Variants in TRIM67 observed in about 807,000 individuals in gnomAD.
TRIM67 encodes tripartite motif-containing protein 67.
A neutral mutation model predicts 71.0 loss-of-function variants in TRIM67; 39 were observed. The ratio of observed to expected loss-of-function variants is 0.55; its 90% CI spans 0.43 to 0.72. TRIM67 has a LOEUF of 0.72. Ranked by LOEUF, TRIM67 falls within the 30% of genes least tolerant of loss-of-function variation. TRIM67 has a pLI of 0.00. For missense variants in TRIM67, 973 were observed against 1,079.2 expected (o/e 0.90, Z 1.38); for synonymous variants, 481 against 473.9 (o/e 1.01, Z -0.19).
intron 6 of TRIM67, among the ~76,000 whole-genome samples, chr1:231,206,274 TATATATATATATATAAA>T (rs1683693101): frequency 1.3e-5 from 2 of 150,970 alleles, no homozygotes; most frequent in African/African-American, 4.9e-5. Context: ...TACTAAAATA[TATATATATATATATAAA>T]TTAGCTGGGC....
At chr1:231,211,663 C>T (rs1053433203) in intron 8 of TRIM67, among the ~76,000 whole-genome samples, 7 of 152,226 alleles carry the variant, frequency 4.6e-5, no homozygotes, top group Non-Finnish European at 1.0e-4. Flanking sequence ...GTCGTGAATC[C>T]TCGCTGCTCA....
In TRIM67 at chr1:231,216,400, C is replaced by T. The variant is rs1004936429; in HGVS notation, c.*960C>T. On this transcript the variant is annotated 3_prime_UTR_variant, in exon 10 of 10. Coordinates refer to ENST00000366653, the MANE Select transcript of TRIM67 (RefSeq NM_001004342.5). ...TTTTAACAACTATGTCATAGGTCTT[C>T]GCCTGGTGATGGCTCCTTTCTGAAA... 6 of 985,374 alleles carry T rather than the reference C, an allele frequency of 6.1e-6. No individual in the cohort carries two copies. Among genetic ancestry groups the T allele is most frequent in the East Asian group, 1.1e-4 (1 of 8,832 alleles). 61.0% of individuals were successfully genotyped at this position (985,374 alleles called of 1,614,324 possible). A position where few individuals can be genotyped will look rare whatever the true frequency, so the allele number is the denominator to read the frequency against.
intron 1 of TRIM67, among the ~76,000 whole-genome samples, chr1:231,189,125 A>T (rs1198294761): frequency 6.6e-6 from 1 of 152,140 alleles, no homozygotes; most frequent in Non-Finnish European, 1.5e-5. Context: ...CCGGGCTCTG[A>T]GCTGGGGATG....
chr1:231,165,396 G>A (rs1682426370), intron 1 of TRIM67, among the ~76,000 whole-genome samples: 1 of 152,216 alleles, frequency 6.6e-6, no homozygotes, highest in Non-Finnish European at 1.5e-5. Context: ...TAAGGATTAA[G>A]TATAATACTG....
chr1:231,186,883 T>C (rs922047468), intron 1 of TRIM67, among the ~76,000 whole-genome samples: 9 of 152,044 alleles, frequency 5.9e-5, no homozygotes, highest in Admixed American at 2.6e-4. Context: ...AATGAAAGCT[T>C]GGATGATGGG....
chr1:231,204,117 T>A, intron 6 of TRIM67, 105 bp downstream of exon 6: 1 of 1,503,884 alleles, frequency 6.6e-7, no homozygotes, highest in South Asian at 1.3e-5. Context: ...GACATTGTGT[T>A]GCCATCCTGA....
chr1:231,177,279 C>T (rs374584461), intron 1 of TRIM67, among the ~76,000 whole-genome samples: 10 of 152,146 alleles, frequency 6.6e-5, no homozygotes, highest in African/African-American at 1.4e-4. Flanking sequence ...CATAATTTGA[C>T]GACAGAGAGA....
intron 1 of TRIM67, among the ~76,000 whole-genome samples, chr1:231,189,420 C>T (rs538820016): frequency 2.0e-5 from 3 of 152,212 alleles, no homozygotes; most frequent in African/African-American, 7.2e-5. Context: ...GCTTTAACCT[C>T]ACAATCATTG....
intron 1 of TRIM67, among the ~76,000 whole-genome samples, chr1:231,196,113 G>A (rs1042108237): frequency 2.6e-5 from 4 of 152,128 alleles, no homozygotes; most frequent in South Asian, 2.1e-4. Flanking sequence ...GGGTGGTGAC[G>A]ACTGTTAGGA....
rs1162927125 is a variant in TRIM67, at chr1:231,218,656, C to T, written c.*3216C>T. The T allele has an allele frequency of 2.0e-6, 2 of 985,334 alleles. No homozygotes were observed. Among genetic ancestry groups the T allele is most frequent in the African/African-American group, 3.5e-5 (2 of 57,234 alleles). The allele number at this position is 985,334 out of a possible 1,614,324, so 61.0% of individuals were successfully genotyped here. Reference sequence around the variant, plus strand: ...AGAGGACACCAGTAATACTGACCCACAAGGTAACTGACCTAAACACTATAA... The same window carrying T: ...AGAGGACACCAGTAATACTGACCCATAAGGTAACTGACCTAAACACTATAA... On this transcript the variant is annotated 3_prime_UTR_variant, in exon 10 of 10. Coordinates refer to ENST00000366653, the MANE Select transcript of TRIM67 (RefSeq NM_001004342.5).
intron 1 of TRIM67, among the ~76,000 whole-genome samples, chr1:231,192,337 G>A (rs938578540): frequency 1.3e-5 from 2 of 152,056 alleles, no homozygotes; most frequent in Admixed American, 1.3e-4. Flanking sequence ...ATGTTTTGTA[G>A]AGACAACAGC....
chr1:231,201,648 A>G, intron 5 of TRIM67, 131 bp downstream of exon 5: 1 of 1,157,432 alleles, frequency 8.6e-7, no homozygotes, highest in Non-Finnish European at 1.2e-6. Flanking sequence ...CAGGAGCGCC[A>G]GAGTCACGGA....
intron 1 of TRIM67, among the ~76,000 whole-genome samples, chr1:231,168,908 C>A (rs1682548003): frequency 6.6e-6 from 1 of 152,214 alleles, no homozygotes. Flanking sequence ...GGCCTGAAGT[C>A]TACAACTCTA....
At chr1:231,204,800 A>C (rs1295953012) in intron 6 of TRIM67, among the ~76,000 whole-genome samples, 1 of 152,254 alleles carries the variant, frequency 6.6e-6, no homozygotes, top group African/African-American at 2.4e-5. Flanking sequence ...CACCCATTTA[A>C]CAAACCTTGC....
chr1:231,209,263 C>G lies in TRIM67; in HGVS notation c.2123+13C>G, dbSNP rs1200105496. ...CCCACACCAACAGGTGCGATTGGGC[C>G]CCATCCTGCCTCCCGTGGACACAGG... On this transcript the variant is annotated intron_variant, in intron 8 of 9. Transcript: ENST00000366653. This position sits in a 1 kb window ranked among gnomAD's most constrained non-coding sequence, Gnocchi z 4.1. 2 of 1,525,068 alleles carry G rather than the reference C, an allele frequency of 1.3e-6. No individual in the cohort carries two copies. Among genetic ancestry groups the G allele is most frequent in the South Asian group, 2.6e-5 (2 of 76,722 alleles). 94.5% of individuals were successfully genotyped at this position (1,525,068 alleles called of 1,614,324 possible). A position where few individuals can be genotyped will look rare whatever the true frequency, so the allele number is the denominator to read the frequency against.
chr1:231,162,608 A>C lies in TRIM67; in HGVS notation c.-362A>C. 1 of 250,860 alleles carries C rather than the reference A, an allele frequency of 4.0e-6. No individual in the cohort carries two copies. The highest frequency in any genetic ancestry group is 7.6e-6 in the Non-Finnish European group (1 of 131,176). The allele number at this position is 250,860 out of a possible 1,614,324, so 15.5% of individuals were successfully genotyped here. A position where few individuals can be genotyped will look rare whatever the true frequency, so the allele number is the denominator to read the frequency against. On this transcript the variant is annotated 5_prime_UTR_variant, in exon 1 of 10. Transcript: ENST00000366653. ...AGCCCGGCCGCTGGTCCTGGGGTGG[A>C]GAGGAGGCGCGCGCTGCAGCCGGCG...
intron 4 of TRIM67, 28 bp downstream of exon 4, chr1:231,200,286 T>A (rs766679921): frequency 2.7e-6 from 4 of 1,482,230 alleles, no homozygotes; most frequent in Non-Finnish European, 3.8e-6. Context: ...AGACACAAAG[T>A]GGGCTTCCTC....
intron 3 of TRIM67, among the ~76,000 whole-genome samples, chr1:231,199,825 G>A (rs779091417): frequency 5.3e-5 from 8 of 152,236 alleles, no homozygotes; most frequent in Admixed American, 1.3e-4. Flanking sequence ...GCCACTGAGC[G>A]GTCGGAAGCC....
At chr1:231,187,384 C>T in intron 1 of TRIM67, 3 of 829,792 alleles carry the variant, frequency 3.6e-6, no homozygotes, top group East Asian at 5.7e-5. Context: ...CCAGGAGCCT[C>T]TACCTTTTAA....
Sources: allele counts gnomAD v4.1 joint callset (sites outside exome capture counted in the v4.1 genomes callset), GRCh38; gene constraint gnomAD v4.1.1; non-coding constraint Gnocchi (gnomAD v3.1); transcripts MANE v1.5; gene names NCBI Gene and HGNC (gene_info 2026-07-23, HGNC 2026-07-21).